Variants in MICAL2 observed in about 807,000 individuals in gnomAD.
MICAL2 encodes the protein microtubule associated monooxygenase, calponin and LIM domain containing 2.
MICAL2 carries 77 observed loss-of-function variants against 127.3 expected under a neutral mutation model. That is an observed-to-expected ratio of 0.60 (90% CI 0.50 to 0.73). The LOEUF is 0.73. Ranked by LOEUF, MICAL2 falls within the 30% of genes least tolerant of loss-of-function variation. The pLI, the probability that MICAL2 is intolerant of heterozygous loss-of-function variation, is 0.00. For missense variants in MICAL2, 1,351 were observed against 1,434.4 expected, an observed-to-expected ratio of 0.94 and a Z score of 0.94; for synonymous variants, 570 against 551.1, an observed-to-expected ratio of 1.03 and a Z score of -0.48.
intron 2 of MICAL2, among the ~76,000 whole-genome samples, chr11:12,143,535 G>A (rs1404148445): frequency 2.0e-5 from 3 of 152,178 alleles, no homozygotes; most frequent in South Asian, 2.1e-4. Flanking sequence ...GAGAGTTTGT[G>A]TCCGTTTTCT....
chr11:12,200,789 G>A (rs1054824426), intron 3 of MICAL2, among the ~76,000 whole-genome samples: 1 of 152,186 alleles, frequency 6.6e-6, no homozygotes, highest in Non-Finnish European at 1.5e-5. Flanking sequence ...TACTGTTTGC[G>A]TGCAAAATGC....
chr11:12,295,969 A>G (rs1305776305), downstream of MICAL2, among the ~76,000 whole-genome samples: 1 of 152,212 alleles, frequency 6.6e-6, no homozygotes, highest in East Asian at 1.9e-4. Context: ...CATACCACCA[A>G]TGAAAATGTA....
chr11:12,216,080 C>A, intron 7 of MICAL2, 139 bp from the exon 8 acceptor site: 1 of 644,886 alleles, frequency 1.6e-6, no homozygotes, highest in Non-Finnish European at 2.8e-6. Context: ...CTTTGCCAGC[C>A]TTGTGTGCCT....
At chr11:12,352,939 C>T (rs1939075117) in intron 33 of MICAL2, among the ~76,000 whole-genome samples, 1 of 152,206 alleles carries the variant, frequency 6.6e-6, no homozygotes. Context: ...ACTGCAGCAC[C>T]TCCTCTCTGC....
At chr11:12,293,804 G>A (rs769551572), downstream of MICAL2, 13 of 1,605,806 alleles carry the variant, frequency 8.1e-6, no homozygotes, top group African/African-American at 2.7e-5. Flanking sequence ...TGGGGACATC[G>A]GAAGCAACCA....
chr11:12,337,378 A>G (rs1037370841), intron 32 of MICAL2, among the ~76,000 whole-genome samples: 1 of 151,880 alleles, frequency 6.6e-6, no homozygotes, highest in Non-Finnish European at 1.5e-5. Flanking sequence ...CGGTCTATCA[A>G]TTTTGTTGAT....
intron 1 of MICAL2, among the ~76,000 whole-genome samples, chr11:12,129,635 TC>T (rs1206404792): frequency 3.9e-5 from 3 of 77,712 alleles, no homozygotes; most frequent in African/African-American, 8.8e-5. Context: ...TTCTTCTTCT[TC>T]TTTTTTTTTT....
At chr11:12,240,542 T>C (rs1266370349) in intron 17 of MICAL2, among the ~76,000 whole-genome samples, 2 of 152,214 alleles carry the variant, frequency 1.3e-5, no homozygotes, top group East Asian at 3.9e-4. Context: ...GCCATTTCCT[T>C]GAGACTTGTA....
chr11:12,201,698 C>A (rs1225326503), intron 3 of MICAL2, among the ~76,000 whole-genome samples: 1 of 152,294 alleles, frequency 6.6e-6, no homozygotes, highest in Admixed American at 6.5e-5. Flanking sequence ...GTATCCTTGT[C>A]TTTTTCAGCA....
chr11:12,237,196 G>A (rs548358351), intron 16 of MICAL2, among the ~76,000 whole-genome samples: 2 of 152,260 alleles, frequency 1.3e-5, no homozygotes, highest in East Asian at 1.9e-4. Flanking sequence ...AAAGGGAAGC[G>A]CTGACAAAGA....
intron 2 of MICAL2, among the ~76,000 whole-genome samples, chr11:12,155,268 A>G (rs1194780962): frequency 2.0e-5 from 3 of 152,126 alleles, no homozygotes; most frequent in Non-Finnish European, 4.4e-5. Flanking sequence ...TTAAATATAT[A>G]TATGTATATG....
intron 24 of MICAL2, among the ~76,000 whole-genome samples, chr11:12,270,186 C>G (rs1424263528): frequency 6.6e-6 from 1 of 152,204 alleles, no homozygotes; most frequent in Non-Finnish European, 1.5e-5. Context: ...CTCCCTCATC[C>G]TGCTGGGGAC....
chr11:12,195,058 C>T (rs1859715099), intron 3 of MICAL2, among the ~76,000 whole-genome samples: 1 of 152,102 alleles, frequency 6.6e-6, no homozygotes, highest in South Asian at 2.1e-4. Flanking sequence ...TGAGGGCCCA[C>T]CAGCCTAGGC....
chr11:12,228,432 T>C (rs1432898033), intron 15 of MICAL2, among the ~76,000 whole-genome samples: 1 of 152,206 alleles, frequency 6.6e-6, no homozygotes, highest in Non-Finnish European at 1.5e-5. Flanking sequence ...CATGCTTCCT[T>C]CACACTAATT....
intron 2 of MICAL2, among the ~76,000 whole-genome samples, chr11:12,161,062 T>C (rs1335815823): frequency 7.9e-5 from 12 of 152,174 alleles, no homozygotes; most frequent in Admixed American, 7.9e-4. Context: ...TGCTGTGCCC[T>C]CTTGCTCAGA....
intron 22 of MICAL2, 63 bp downstream of exon 22, chr11:12,249,309 C>A (rs941594624): frequency 2.0e-5 from 19 of 929,678 alleles, no homozygotes; most frequent in Non-Finnish European, 3.0e-5. Flanking sequence ...TCAGACCCAC[C>A]TGCAGGGCTC....
chr11:12,119,465 C>T lies in MICAL2; in HGVS notation c.-149+8739C>T, dbSNP rs1156893546. Among the ~76,000 whole-genome samples the T allele has an allele frequency of 2.0e-5, 3 of 152,292 alleles. No individual in the cohort carries two copies. In the East Asian group the frequency reaches 5.8e-4, roughly 29 times the overall value. ...TATATGTCCTGATTTTAGAGCAGCA[C>T]TTAAATTCAGCAGACAGTTGTAATC... is the stretch of plus-strand genomic sequence containing the variant. On this transcript the variant is annotated intron_variant, in intron 1 of 27. Transcript: ENST00000683283.
At chr11:12,132,042 A>G (rs911560768) in intron 1 of MICAL2, among the ~76,000 whole-genome samples, 1 of 152,096 alleles carries the variant, frequency 6.6e-6, no homozygotes, top group Admixed American at 6.5e-5. Flanking sequence ...GGCTGAAATG[A>G]CTTGCTTGAG....
chr11:12,331,481 A>C (rs1174793260), intron 32 of MICAL2, among the ~76,000 whole-genome samples: 3 of 152,176 alleles, frequency 2.0e-5, no homozygotes, highest in Non-Finnish European at 4.4e-5. Flanking sequence ...AGCAGGTGGC[A>C]GCAGGAGCAC....
Sources: allele counts gnomAD v4.1 joint callset (sites outside exome capture counted in the v4.1 genomes callset), GRCh38; gene constraint gnomAD v4.1.1; transcripts MANE v1.5; gene names NCBI Gene and HGNC (gene_info 2026-07-23, HGNC 2026-07-21).